Variants in PAGE2B observed in about 807,000 individuals in gnomAD.
The protein encoded by PAGE2B is putative G antigen family E member 3.
PAGE2B carries 5 observed loss-of-function variants against 7.6 expected under a neutral mutation model. The observed-to-expected ratio is 0.66, with a 90% CI of 0.34 to 1.38. The LOEUF (loss-of-function observed/expected upper bound fraction) is 1.38. Ranked by LOEUF, PAGE2B falls within the 40% of genes most tolerant of loss-of-function variation. PAGE2B has a pLI of 0.04. For synonymous variants in PAGE2B, 29 were observed against 26.7 expected, an observed-to-expected ratio of 1.09 and a Z score of -0.27; for missense variants, 70 against 78.4, an observed-to-expected ratio of 0.89 and a Z score of 0.41.
chrX:55,068,979 T>C, the PAGE2B span, among the ~76,000 whole-genome samples: 9 of 112,231 alleles, frequency 8.0e-5, no homozygotes, highest in Non-Finnish European at 1.3e-4. Context: ...TCATGTCATC[T>C]GCAAAGAGAG....
At chrX:55,044,003 G>T in the PAGE2B span, among the ~76,000 whole-genome samples, 5 of 100,196 alleles carry the variant, frequency 5.0e-5, no homozygotes, top group African/African-American at 2.1e-4. Flanking sequence ...AATAATAATA[G>T]ATGTTGGCAT....
the PAGE2B span, among the ~76,000 whole-genome samples, chrX:55,048,464 A>G: frequency 9.9e-5 from 11 of 111,048 alleles, no homozygotes; most frequent in East Asian, 2.0e-3. Context: ...ATTTGTTTTT[A>G]TCCTCTTTTA....
At chrX:55,052,135 A>G in the PAGE2B span, among the ~76,000 whole-genome samples, 1 of 111,636 alleles carries the variant, frequency 9.0e-6, no homozygotes, top group African/African-American at 3.3e-5. Flanking sequence ...ATATTGGTGA[A>G]CCACAAATGC....
the PAGE2B span, among the ~76,000 whole-genome samples, chrX:55,046,681 A>G: frequency 8.9e-6 from 1 of 111,774 alleles, no homozygotes; most frequent in African/African-American, 3.3e-5. Flanking sequence ...CTTGTAAAAT[A>G]CTTTGTTGTT....
At chrX:55,030,628 T>A in the PAGE2B span, among the ~76,000 whole-genome samples, 1 of 108,606 alleles carries the variant, frequency 9.2e-6, no homozygotes, top group South Asian at 4.1e-4. Flanking sequence ...AGAAAGAAAT[T>A]TAGAGAAAAA....
At chrX:55,054,686 C>G in the PAGE2B span, among the ~76,000 whole-genome samples, 2 of 111,685 alleles carry the variant, frequency 1.8e-5, no homozygotes, top group Non-Finnish European at 3.8e-5. Flanking sequence ...TTCAGTATGC[C>G]GCATTATATA....
upstream of PAGE2B, among the ~76,000 whole-genome samples, chrX:55,071,627 A>G (rs1936449993): frequency 9.0e-6 from 1 of 111,701 alleles, no homozygotes; most frequent in African/African-American, 3.3e-5. Context: ...TCTCCTGAAT[A>G]TTATCCTGAA....
the PAGE2B span, among the ~76,000 whole-genome samples, chrX:55,047,595 C>T: frequency 3.1e-4 from 35 of 111,791 alleles, no homozygotes; most frequent in African/African-American, 1.1e-3. Context: ...TCCTGACTTT[C>T]TAACGATCGC....
In PAGE2B at chrX:55,077,485, A is replaced by G; in HGVS notation, c.280A>G (p.Ile94Val). The change falls in exon 4 of 5, where the codon ATT (isoleucine) becomes GTT (valine). Residue 94 changes from isoleucine (I) to valine (V), a missense_variant. Transcript: ENST00000374971. ...PGDGPDVREG[I>V]MPTFDLTKVL... ...AGATGGTCCTGATGTCAGGGAGGGG[A>G]TTATGCCCACTTTTGATCTCACTAA... 8.3e-7 allele frequency: 1 copy of G among 1,211,894 alleles called. No individual in the cohort carries two copies. The highest frequency in any genetic ancestry group is 1.1e-6 in the Non-Finnish European group (1 of 895,472).
At chrX:55,054,120 A>C in the PAGE2B span, among the ~76,000 whole-genome samples, 1 of 110,636 alleles carries the variant, frequency 9.0e-6, no homozygotes, top group Non-Finnish European at 1.9e-5. Flanking sequence ...AGGCTGAGGC[A>C]GTTGCTTGAA....
the PAGE2B span, among the ~76,000 whole-genome samples, chrX:55,052,776 C>T: frequency 8.9e-6 from 1 of 112,837 alleles, no homozygotes; most frequent in Admixed American, 9.3e-5. Flanking sequence ...CGATGCCTCG[C>T]CCTGCTTCGG....
At chrX:55,034,900 G>A in the PAGE2B span, among the ~76,000 whole-genome samples, 8 of 110,274 alleles carry the variant, frequency 7.3e-5, no homozygotes, top group East Asian at 2.3e-3. Flanking sequence ...GAGGAGCAAC[G>A]AAGCCAGTCT....
the PAGE2B span, among the ~76,000 whole-genome samples, chrX:55,037,672 A>G: frequency 9.0e-6 from 1 of 110,855 alleles, no homozygotes; most frequent in Non-Finnish European, 1.9e-5. Flanking sequence ...ACAATGATAG[A>G]CTGGATGAAG....
At chrX:55,070,031 A>G (rs1266940606), upstream of PAGE2B, among the ~76,000 whole-genome samples, 2 of 108,869 alleles carry the variant, frequency 1.8e-5, no homozygotes, top group Non-Finnish European at 3.8e-5. Context: ...TCGTGTTTGT[A>G]TCTCCTTCAG....
At chrX:55,076,163 ATTTAT>A (rs1485584579) in intron 2 of PAGE2B, 38 bp downstream of exon 2, 1 of 1,172,211 alleles carries the variant, frequency 8.5e-7, no homozygotes, top group Non-Finnish European at 1.2e-6. Flanking sequence ...TATTAACACA[ATTTAT>A]TTTAAGAAAT....
At chrX:55,058,242 G>A in the PAGE2B span, among the ~76,000 whole-genome samples, 1 of 110,027 alleles carries the variant, frequency 9.1e-6, no homozygotes, top group African/African-American at 3.3e-5. Context: ...AAAAAGTGTC[G>A]GGGGGTGTTC....
chrX:55,036,651 T>C, the PAGE2B span, among the ~76,000 whole-genome samples: 1 of 110,782 alleles, frequency 9.0e-6, no homozygotes, highest in Admixed American at 9.6e-5. Context: ...CTTCAAACTA[T>C]ACTACAAGGC....
At chrX:55,035,788 G>A in the PAGE2B span, among the ~76,000 whole-genome samples, 9 of 112,118 alleles carry the variant, frequency 8.0e-5, no homozygotes, top group Non-Finnish European at 1.5e-4. Flanking sequence ...TTTTTATGAA[G>A]TGTAAAAGAG....
intron 4 of PAGE2B, among the ~76,000 whole-genome samples, chrX:55,077,883 A>G (rs1936540954): frequency 9.2e-6 from 1 of 109,133 alleles, no homozygotes; most frequent in African/African-American, 3.4e-5. Context: ...AGTAATGCAT[A>G]TATTAATTAG....
Sources: allele counts gnomAD v4.1 joint callset (sites outside exome capture counted in the v4.1 genomes callset), GRCh38; gene constraint gnomAD v4.1.1; transcripts MANE v1.5; gene names NCBI Gene and HGNC (gene_info 2026-07-23, HGNC 2026-07-21).